Variants in CENPE observed in about 807,000 individuals in gnomAD.
CENPE encodes centromere protein E, also known as centromere-associated protein E.
In CENPE, 145 loss-of-function variants were observed where a neutral mutation model predicts 336.1. That is an observed-to-expected ratio of 0.43 (90% CI 0.38 to 0.50). The LOEUF (loss-of-function observed/expected upper bound fraction) is 0.50. Among genes scored for constraint, CENPE ranks in the 20% least tolerant of loss-of-function variants. The pLI, the probability that CENPE is intolerant of heterozygous loss-of-function variation, is 0.00. For synonymous variants in CENPE, 1,013 were observed against 984.8 expected (o/e 1.03, Z -0.54); for missense variants, 2,719 against 3,023.3 (o/e 0.90, Z 2.36).
At position 103,182,558 on chromosome 4, in the gene CENPE, G is replaced by T. The variant is rs112667586; in HGVS notation, c.963+204C>A. 0.014 allele frequency among the ~76,000 whole-genome samples: 2,094 copies of T among 152,230 alleles called. 40 individuals are homozygous for T. Among genetic ancestry groups the T allele is most frequent in the African/African-American group, 0.048 (1,990 of 41,538 alleles). On this transcript the variant is annotated intron_variant, in intron 11 of 48. Transcript: ENST00000265148. Reference sequence around the variant, plus strand: ...ATCAAGTCAATTTCAGTAAAATAGTGTTGGGTGTGGCAAAAATTATGAAGG... The same window carrying T: ...ATCAAGTCAATTTCAGTAAAATAGTTTTGGGTGTGGCAAAAATTATGAAGG...
At chr4:103,124,832 G>A (rs1750954489) in intron 42 of CENPE, among the ~76,000 whole-genome samples, 1 of 152,054 alleles carries the variant, frequency 6.6e-6, no homozygotes, top group African/African-American at 2.4e-5. Context: ...AATTCGTCGT[G>A]TTCCTGACAC....
intron 44 of CENPE, 41 bp from the exon 45 acceptor site, chr4:103,116,730 C>T (rs751637373): frequency 3.2e-5 from 33 of 1,042,618 alleles, no homozygotes; most frequent in East Asian, 1.3e-4. Context: ...TTATTAGAGG[C>T]GCTTCAGTTT....
intron 42 of CENPE, among the ~76,000 whole-genome samples, chr4:103,126,116 T>C (rs1171925551): frequency 1.3e-5 from 2 of 152,048 alleles, no homozygotes; most frequent in Admixed American, 6.6e-5. Context: ...GTGTGGCAAC[T>C]CTGAGAGTTA....
intron 38 of CENPE, among the ~76,000 whole-genome samples, chr4:103,138,757 A>C (rs1752291245): frequency 6.6e-6 from 1 of 152,108 alleles, no homozygotes. Context: ...TAATCCTAGC[A>C]CTTTAGGAGA....
Position 103,151,296 on chromosome 4 carries a change from G to A in CENPE, c.3319C>T (p.His1107Tyr), listed in dbSNP as rs1436558259. The A allele has an allele frequency of 1.1e-5, 17 of 1,605,294 alleles. No homozygotes were observed. The highest frequency in any genetic ancestry group is 1.4e-5 in the Non-Finnish European group (17 of 1,177,900). ...QQEIVAQEKN[H>Y]AIKKEGELSR... ...AGCTCTCCTTCTTTCTTTATGGCATGGTTCTTTTCTTGTGCAACTATCTCT... is the reference window on the plus strand; with the variant it reads ...AGCTCTCCTTCTTTCTTTATGGCATAGTTCTTTTCTTGTGCAACTATCTCT... The change falls in exon 26 of 49, where the codon CAT becomes TAT. Residue 1107 changes from histidine to tyrosine, a missense_variant. His to Tyr is a moderately conservative substitution (Grantham distance 83). Coordinates refer to ENST00000265148, the MANE Select transcript of CENPE (RefSeq NM_001813.3).
rs770150128 is a variant in CENPE at position 103,194,646 on chromosome 4, T to C, written c.516A>G (p.Val172=). ...ATTTCAAAGCCATTTCTGATGTATA[T>C]ACAACTTCTTCTGTGAGATCAGCAA... ...VYVADLTEEV[V]YTSEMALKWI... The change falls in exon 6 of 49, where the codon GTA becomes GTG. Residue 172 remains valine, a synonymous_variant. Transcript: ENST00000265148. 8 of 1,609,576 alleles carry C rather than the reference T, an allele frequency of 5.0e-6. No homozygotes were observed. In the South Asian group the frequency reaches 5.6e-5, roughly 11 times the overall value.
In CENPE at chr4:103,183,204, A is replaced by G. The variant is rs1468138754; in HGVS notation, c.830T>C (p.Val277Ala). Residue 277 changes from valine to alanine, a missense_variant, in exon 10 of 49, where the codon GTT (valine) becomes GCT (alanine). Physicochemically the swap from Val to Ala is moderately conservative, Grantham distance 64 (BLOSUM62 0). Coordinates refer to ENST00000265148, the MANE Select transcript of CENPE (RefSeq NM_001813.3). ...QVIKKLSDGQVGGFINYRDSK... is the reference protein window; with the variant it reads ...QVIKKLSDGQAGGFINYRDSK... The stretch of plus-strand genomic sequence containing the variant: ...GTGCACAACGGGATAAACTTACCCA[A>G]CTTGTCCATCACTAAGTTTCTTGAT... 3.1e-6 allele frequency: 5 copies of G among 1,610,728 alleles called. No individual in the cohort carries two copies. In the South Asian group the frequency reaches 5.5e-5, roughly 18 times the overall value.
At chr4:103,198,069 C>T (rs1757874559) in intron 1 of CENPE, among the ~76,000 whole-genome samples, 195 bp downstream of exon 1, 1 of 152,260 alleles carries the variant, frequency 6.6e-6, no homozygotes, top group South Asian at 2.1e-4. Context: ...GTGAATCTCG[C>T]AGCTGGAAAG....
At chr4:103,114,951 C>G (rs1224650577) in intron 45 of CENPE, among the ~76,000 whole-genome samples, 1 of 152,018 alleles carries the variant, frequency 6.6e-6, no homozygotes, top group Non-Finnish European at 1.5e-5. Context: ...GAAAGCAAAC[C>G]CTGACTGCAG....
rs755764926 is a variant in CENPE at position 103,194,300 on chromosome 4, T to C, written c.628-6A>G. 19 of 1,612,386 alleles carry C rather than the reference T, an allele frequency of 1.2e-5. No individual in the cohort carries two copies. In the Admixed American group the frequency reaches 2.5e-4, roughly 21 times the overall value. ...TTCTCTCTGCTTTCCAAAATCTAGATAGAAAAGGCAAGCTGTAGAAAAATT... is the reference window on the plus strand; with the variant it reads ...TTCTCTCTGCTTTCCAAAATCTAGACAGAAAAGGCAAGCTGTAGAAAAATT... On this transcript the variant is annotated splice_region_variant and splice_polypyrimidine_tract_variant and intron_variant, in intron 7 of 48. Transcript: ENST00000265148.
chr4:103,133,964 G>A, intron 40 of CENPE, 72 bp from the exon 41 acceptor site: 1 of 910,542 alleles, frequency 1.1e-6, no homozygotes, highest in East Asian at 2.6e-5. Flanking sequence ...TCATCCTTGA[G>A]ACTATGAGGT....
At chr4:103,127,113 C>A (rs2954141) in intron 42 of CENPE, among the ~76,000 whole-genome samples, 20,682 of 131,288 alleles carry the variant, frequency 0.16, 1,707 homozygotes, top group Non-Finnish European at 0.2. Context: ...AAAAAAAAAA[C>A]CAAAAAAACC....
chr4:103,182,666 TTAATTA>T, intron 11 of CENPE, 90 bp downstream of exon 11: 1 of 1,012,648 alleles, frequency 9.9e-7, no homozygotes, highest in Non-Finnish European at 1.4e-6. Flanking sequence ...AACAGGCGAG[TTAATTA>T]AAAAAAACTA....
chr4:103,189,838 G>A (rs1244217185), intron 8 of CENPE, among the ~76,000 whole-genome samples: 1 of 152,160 alleles, frequency 6.6e-6, no homozygotes, highest in Non-Finnish European at 1.5e-5. Context: ...ATTAGGAAAA[G>A]AGGAAGTCAA....
In CENPE at chr4:103,194,361, T is replaced by C. The variant is rs145499907; in HGVS notation, c.627+13A>G. 7.8e-5 allele frequency: 126 copies of C among 1,608,616 alleles called. 1 individual carries two copies. In the East Asian group the frequency reaches 1.1e-3, roughly 14 times the overall value. ...TACTTGGAAAGATCTAACAGATAGA[T>C]AGAATTACCTACCATCCTAAAGATG... On this transcript the variant is annotated intron_variant, in intron 7 of 48. Transcript: ENST00000265148.
chr4:103,122,720 G>C, intron 43 of CENPE, 151 bp downstream of exon 43: 1 of 602,942 alleles, frequency 1.7e-6, no homozygotes, highest in South Asian at 2.1e-5. Flanking sequence ...TTAGTTGAAC[G>C]ATAGCCATAG....
At chr4:103,183,942 C>T (rs75607480) in intron 9 of CENPE, among the ~76,000 whole-genome samples, 1,871 of 152,218 alleles carry the variant, frequency 0.012, 21 homozygotes, top group Non-Finnish European at 0.019. Context: ...ATTTCCATAT[C>T]GGTAAACACT....
At chr4:103,167,411 T>A (rs1755015546) in intron 16 of CENPE, among the ~76,000 whole-genome samples, 1 of 152,176 alleles carries the variant, frequency 6.6e-6, no homozygotes, top group Non-Finnish European at 1.5e-5. Context: ...GAAACATGAT[T>A]TAACTATTTT....
Position 103,139,922 on chromosome 4 carries a change from G to A in CENPE, c.6071C>T (p.Thr2024Ile), listed in dbSNP as rs553614605. ...TTCAAGGCTTTCATGAAGTTTCTTA[G>A]TCAACTGGAAGTTATCCATTCTCAC... ...QSVRMDNFQL[T>I]KKLHESLEEI... The change falls in exon 38 of 49, where the codon ACT becomes ATT. Residue 2024 changes from threonine to isoleucine, a missense_variant. Around this residue, in one of 5 missense-constraint regions of CENPE, gnomAD observed 2,437 missense variants for 2,513.3 expected, o/e 0.97. Transcript: ENST00000265148. 14 of 1,613,326 alleles carry A rather than the reference G, an allele frequency of 8.7e-6. No homozygotes were observed. The East Asian group carries it at 1.6e-4, about 18-fold the overall frequency.
Sources: allele counts gnomAD v4.1 joint callset (sites outside exome capture counted in the v4.1 genomes callset), GRCh38; gene constraint gnomAD v4.1.1; regional missense constraint gnomAD v4.1.1; transcripts MANE v1.5; gene names NCBI Gene and HGNC (gene_info 2026-07-23, HGNC 2026-07-21).